Variants in ZNF385D observed in about 807,000 individuals in gnomAD.
ZNF385D encodes the protein zinc finger protein 659.
ZNF385D carries 15 observed loss-of-function variants against 35.8 expected under a neutral mutation model. The observed-to-expected ratio is 0.42, with a 90% CI of 0.28 to 0.64. The LOEUF (loss-of-function observed/expected upper bound fraction) is 0.64, where lower values mean the gene tolerates loss of function less well. ZNF385D is among the 30% of genes least tolerant of loss of function. The pLI is 0.23. For missense variants in ZNF385D, 474 were observed against 494.6 expected, an observed-to-expected ratio of 0.96 and a Z score of 0.39; for synonymous variants, 212 against 186.8, an observed-to-expected ratio of 1.13 and a Z score of -1.10.
intron 3 of ZNF385D, among the ~76,000 whole-genome samples, chr3:21,815,323 ATAAC>A (rs2073098170): frequency 6.6e-6 from 1 of 152,228 alleles, no homozygotes; most frequent in Admixed American, 6.5e-5. Flanking sequence ...AAGGCAAGAA[ATAAC>A]TAAGATCAGA....
At chr3:21,545,088 G>A (rs2062325585) in intron 3 of ZNF385D, among the ~76,000 whole-genome samples, 1 of 152,120 alleles carries the variant, frequency 6.6e-6, no homozygotes, top group Admixed American at 6.5e-5. Flanking sequence ...TCATAATGAA[G>A]GTTGTTAAGT....
chr3:21,462,959 G>T (rs533141353), intron 4 of ZNF385D, among the ~76,000 whole-genome samples: 1 of 152,168 alleles, frequency 6.6e-6, no homozygotes, highest in African/African-American at 2.4e-5. Context: ...TCCAGCCTAG[G>T]CAACAAGAGT....
At chr3:22,025,755 C>T (rs757382972) in intron 3 of ZNF385D, among the ~76,000 whole-genome samples, 10 of 152,228 alleles carry the variant, frequency 6.6e-5, no homozygotes, top group East Asian at 3.9e-4. Flanking sequence ...GTGGGTTAAT[C>T]GCTTTAGACC....
At chr3:21,764,253 A>T (rs62236235) in intron 3 of ZNF385D, among the ~76,000 whole-genome samples, 3 of 152,114 alleles carry the variant, frequency 2.0e-5, no homozygotes, top group Admixed American at 6.6e-5. Flanking sequence ...AAGATGCTCA[A>T]TAAGGAAAGG....
chr3:21,869,648 G>T lies in ZNF385D; in HGVS notation c.326-204620C>A, dbSNP rs371237521. Among the ~76,000 whole-genome samples the T allele has an allele frequency of 2.1e-4, 32 of 152,142 alleles. 1 individual carries two copies. The East Asian group carries it at 5.4e-3, about 26-fold the overall frequency. ...AGTGATGCAGTTAGAGGAACTCTAA[G>T]AGAAAAAATAGCGTAACACAGTTAG... On this transcript the variant is annotated intron_variant, in intron 3 of 5. Coordinates refer to the ZNF385D transcript ENST00000494108.
At chr3:21,780,237 T>C (rs1400636705) in intron 3 of ZNF385D, among the ~76,000 whole-genome samples, 1 of 152,004 alleles carries the variant, frequency 6.6e-6, no homozygotes, top group African/African-American at 2.4e-5. Flanking sequence ...TCAACCTCTT[T>C]AACAATCCTA....
At chr3:21,436,818 T>G (rs1701574801) in intron 5 of ZNF385D, 152 bp downstream of exon 5, 1 of 771,358 alleles carries the variant, frequency 1.3e-6, no homozygotes, top group Admixed American at 3.0e-5. Context: ...GACACTTTGC[T>G]CGTCATTTTT....
intron 3 of ZNF385D, among the ~76,000 whole-genome samples, chr3:21,816,223 A>G (rs965502384): frequency 6.6e-6 from 1 of 152,242 alleles, no homozygotes; most frequent in African/African-American, 2.4e-5. Context: ...AGCCAATATC[A>G]TACCGAATGA....
At chr3:21,514,622 A>G (rs1707444208) in intron 3 of ZNF385D, among the ~76,000 whole-genome samples, 1 of 152,006 alleles carries the variant, frequency 6.6e-6, no homozygotes, top group African/African-American at 2.4e-5. Flanking sequence ...CCAAATTCAA[A>G]TAGGACAAAC....
intron 3 of ZNF385D, among the ~76,000 whole-genome samples, chr3:22,123,638 T>C (rs1703229725): frequency 6.6e-6 from 1 of 152,226 alleles, no homozygotes; most frequent in East Asian, 1.9e-4. Context: ...AGTAGGTGGA[T>C]TACCTGAGGT....
intron 3 of ZNF385D, among the ~76,000 whole-genome samples, chr3:21,877,187 G>C (rs1025932215): frequency 6.6e-6 from 1 of 152,046 alleles, no homozygotes; most frequent in African/African-American, 2.4e-5. Flanking sequence ...GGTCATTTCA[G>C]ATACTCTTTC....
chr3:22,010,598 G>T (rs1167441952), intron 3 of ZNF385D, among the ~76,000 whole-genome samples: 4 of 152,106 alleles, frequency 2.6e-5, no homozygotes, highest in Non-Finnish European at 4.4e-5. Context: ...TAGAAATCCA[G>T]TCTAAGACTC....
intron 2 of ZNF385D, among the ~76,000 whole-genome samples, chr3:22,330,387 T>A (rs1178466129): frequency 2.0e-5 from 3 of 152,196 alleles, no homozygotes; most frequent in Non-Finnish European, 4.4e-5. Context: ...GTAAAAATTA[T>A]TCAAGTATTT....
intron 3 of ZNF385D, among the ~76,000 whole-genome samples, chr3:21,825,247 GT>G (rs2125746245): frequency 6.6e-6 from 1 of 152,250 alleles, no homozygotes; most frequent in African/African-American, 2.4e-5. Context: ...TGAGATCCAG[GT>G]GAAACCCCCT....
intron 3 of ZNF385D, among the ~76,000 whole-genome samples, chr3:21,846,239 T>C (rs1696000093): frequency 1.3e-5 from 2 of 152,040 alleles, no homozygotes; most frequent in Admixed American, 6.6e-5. Flanking sequence ...CTGTTTGGAA[T>C]TTCTCTAGTT....
intron 2 of ZNF385D, among the ~76,000 whole-genome samples, chr3:21,577,785 CTTG>C (rs2063536118): frequency 6.7e-6 from 1 of 149,044 alleles, no homozygotes; most frequent in Non-Finnish European, 1.5e-5. Flanking sequence ...TTTTCATATA[CTTG>C]TTGGCCATTT....
intron 2 of ZNF385D, among the ~76,000 whole-genome samples, chr3:21,647,713 A>G (rs1450257926): frequency 2.0e-5 from 3 of 152,162 alleles, no homozygotes; most frequent in Non-Finnish European, 4.4e-5. Context: ...TAATCAAATA[A>G]TTTCTTAAAG....
At chr3:21,709,650 T>G (rs1413679756) in intron 1 of ZNF385D, among the ~76,000 whole-genome samples, 2 of 152,104 alleles carry the variant, frequency 1.3e-5, no homozygotes, top group Non-Finnish European at 2.9e-5. Context: ...AAACATCACA[T>G]ACTAGTTTTA....
intron 3 of ZNF385D, among the ~76,000 whole-genome samples, chr3:22,096,833 C>T (rs1701660786): frequency 6.6e-6 from 1 of 152,088 alleles, no homozygotes; most frequent in African/African-American, 2.4e-5. Context: ...TGATGCTCCT[C>T]TCATTGAGAG....
Sources: gnomAD v4.1 joint callset for allele counts (sites outside exome capture counted in the v4.1 genomes callset) on GRCh38, gnomAD v4.1.1 for gene constraint, MANE v1.5 for transcripts, NCBI Gene and HGNC (gene_info 2026-07-23, HGNC 2026-07-21) for gene names.